ABR: variants seen among roughly 807,000 people sequenced by gnomAD.
ABR encodes the protein ABR activator of RhoGEF and GTPase.
ABR carries 35 observed loss-of-function variants against 107.2 expected under a neutral mutation model. That is an observed-to-expected ratio of 0.33 (90% CI 0.25 to 0.43). ABR has a LOEUF of 0.43. ABR is among the 20% of genes least tolerant of loss of function. The pLI, the probability that ABR is intolerant of heterozygous loss-of-function variation, is 1.00. For synonymous variants in ABR, 498 were observed against 462.0 expected, an observed-to-expected ratio of 1.08 and a Z score of -1.00; for missense variants, 815 against 1,115.2, an observed-to-expected ratio of 0.73 and a Z score of 3.83.
chr17:1,152,591 CAA>C (rs1025845051), intron 1 of ABR, among the ~76,000 whole-genome samples: 3 of 127,898 alleles, frequency 2.3e-5, no homozygotes, highest in African/African-American at 2.9e-5. Flanking sequence ...AACTCTGTCT[CAA>C]AAAAAAAAAA....
At chr17:1,186,289 G>A (rs879451219) in intron 1 of ABR, among the ~76,000 whole-genome samples, 3 of 152,172 alleles carry the variant, frequency 2.0e-5, no homozygotes, top group Non-Finnish European at 4.4e-5. Context: ...TCAGCCTCCC[G>A]GCTTTTCCAG....
intron 6 of ABR, 119 bp downstream of exon 6, chr17:1,079,185 ACTCACACGCGCTCACACACGCTCACG>A (rs994087732): frequency 3.6e-4 from 527 of 1,475,634 alleles, no homozygotes; most frequent in African/African-American, 2.4e-3. Flanking sequence ...CTCAGCTCAC[ACTCACACGCGCTCACACACGCTCACG>A]CTCACACGCG....
At chr17:1,019,546 C>T (rs376206227) in intron 16 of ABR, among the ~76,000 whole-genome samples, 33 of 151,984 alleles carry the variant, frequency 2.2e-4, no homozygotes, top group African/African-American at 6.0e-4. Flanking sequence ...CCTGGCCCCA[C>T]GGTGCCCTGA....
chr17:1,223,910 C>T (rs2043167482), intron 1 of ABR, among the ~76,000 whole-genome samples: 1 of 152,174 alleles, frequency 6.6e-6, no homozygotes, highest in Admixed American at 6.5e-5. Flanking sequence ...CCTCCCTCGA[C>T]ACGTGGGGAT....
At chr17:1,048,806 T>C (rs1266298640) in intron 16 of ABR, among the ~76,000 whole-genome samples, 1 of 151,756 alleles carries the variant, frequency 6.6e-6, no homozygotes, top group Non-Finnish European at 1.5e-5. Flanking sequence ...GTCAAGAAGC[T>C]CGGCGCCCAG....
intron 16 of ABR, among the ~76,000 whole-genome samples, chr17:1,038,316 T>C (rs1027555068): frequency 6.6e-6 from 1 of 152,162 alleles, no homozygotes; most frequent in Non-Finnish European, 1.5e-5. Context: ...TCTGAGAGAT[T>C]AGGGGCTTTG....
At chr17:1,043,999 C>A (rs1308442216) in intron 16 of ABR, among the ~76,000 whole-genome samples, 1 of 152,214 alleles carries the variant, frequency 6.6e-6, no homozygotes, top group Non-Finnish European at 1.5e-5. Context: ...AGAAACTGAG[C>A]TGTGGGGCCC....
Position 1,160,032 on chromosome 17 carries a change from G to C in ABR, c.61+19635C>G, listed in dbSNP as rs551923829. On this transcript the variant is annotated intron_variant, in intron 1 of 22. Transcript: ENST00000302538. Reference sequence around the variant, plus strand: ...GAGGGAACAGGTCCCTTGGGGCTGAGAGGAGAGGGACCCACAGCAGGCCCT... The same window carrying C: ...GAGGGAACAGGTCCCTTGGGGCTGACAGGAGAGGGACCCACAGCAGGCCCT... Among the ~76,000 whole-genome samples the C allele has an allele frequency of 7.9e-5, 12 of 152,302 alleles. No individual in the cohort carries two copies. The East Asian group carries it at 2.3e-3, about 29-fold the overall frequency.
intron 10 of ABR, among the ~76,000 whole-genome samples, chr17:1,066,583 C>A (rs12943392): frequency 6.6e-6 from 1 of 151,872 alleles, no homozygotes; most frequent in East Asian, 1.9e-4. Flanking sequence ...GACTGGAGTG[C>A]ATTGGCATGT....
chr17:1,052,351 A>G (rs1169239673), intron 14 of ABR, among the ~76,000 whole-genome samples: 1 of 133,636 alleles, frequency 7.5e-6, no homozygotes, highest in African/African-American at 2.8e-5. Context: ...GAGGGCTCAC[A>G]GGGTCAGAGG....
chr17:1,033,613 T>A (rs1442575441), intron 16 of ABR, among the ~76,000 whole-genome samples: 1 of 152,116 alleles, frequency 6.6e-6, no homozygotes, highest in Non-Finnish European at 1.5e-5. Flanking sequence ...CGGGCCTCAG[T>A]CTTCACTGTC....
At chr17:1,047,182 T>A (rs2031752458) in intron 16 of ABR, among the ~76,000 whole-genome samples, 1 of 152,174 alleles carries the variant, frequency 6.6e-6, no homozygotes, top group Non-Finnish European at 1.5e-5. Flanking sequence ...CCCCTGAATA[T>A]CCCCGAGGGC....
At chr17:1,226,170 T>A (rs1017873166) in intron 1 of ABR, among the ~76,000 whole-genome samples, 6 of 152,206 alleles carry the variant, frequency 3.9e-5, no homozygotes, top group South Asian at 4.1e-4. Flanking sequence ...GGGAATGCTG[T>A]AGAGAAAAAT....
chr17:1,069,382 G>A (rs12937943), intron 9 of ABR, among the ~76,000 whole-genome samples: 28,188 of 152,124 alleles, frequency 0.19, 3,042 homozygotes, highest in South Asian at 0.25. Flanking sequence ...GGAAAAAACC[G>A]GCCAGGCGCG....
intron 16 of ABR, among the ~76,000 whole-genome samples, chr17:1,014,608 G>T (rs1336663465): frequency 1.3e-5 from 2 of 151,670 alleles, no homozygotes; most frequent in Admixed American, 6.6e-5. Context: ...GGAGGCCGAG[G>T]GAGGCGGATC....
intron 13 of ABR, among the ~76,000 whole-genome samples, 178 bp from the exon 14 acceptor site, chr17:1,056,287 C>A (rs2151066858): frequency 6.6e-6 from 1 of 152,196 alleles, no homozygotes; most frequent in East Asian, 1.9e-4. Context: ...ATGTGAGCTG[C>A]CCGGGGTAGG....
intron 5 of ABR, among the ~76,000 whole-genome samples, chr17:1,080,977 G>A (rs1177227327): frequency 6.6e-6 from 1 of 152,184 alleles, no homozygotes; most frequent in African/African-American, 2.4e-5. Context: ...GAAGCCACCT[G>A]GCAGAAAGCC....
chr17:1,107,173 T>C (rs537533564), intron 2 of ABR, among the ~76,000 whole-genome samples: 132 of 152,324 alleles, frequency 8.7e-4, no homozygotes, highest in African/African-American at 2.6e-3. Context: ...GAAGACACCA[T>C]CCCGGTGCTC....
At position 1,100,970 on chromosome 17, in the gene ABR, C is replaced by T. The variant is rs1004402178; in HGVS notation, c.247-235G>A. On this transcript the variant is annotated intron_variant, in intron 2 of 22. Coordinates refer to ENST00000302538, the MANE Select transcript of ABR (RefSeq NM_021962.5). ...TCCCGAGTAGCTGGGATTACAGGCA[C>T]CTGCCACCATGCCCAGATAATTTTT... The T allele has an allele frequency of 1.4e-5, 8 of 555,576 alleles. No homozygotes were observed. The African/African-American group carries it at 1.5e-4, about 11-fold the overall frequency. 34.4% of individuals were successfully genotyped at this position (555,576 alleles called of 1,614,324 possible).
Sources: gnomAD v4.1 joint callset for allele counts (sites outside exome capture counted in the v4.1 genomes callset) on GRCh38, gnomAD v4.1.1 for gene constraint, MANE v1.5 for transcripts, NCBI Gene and HGNC (gene_info 2026-07-23, HGNC 2026-07-21) for gene names.